DIP2C: variants seen among roughly 807,000 people sequenced by gnomAD.
The protein encoded by DIP2C is DIP2 acetate--CoA ligase C (putative).
DIP2C carries 33 observed loss-of-function variants against 192.4 expected under a neutral mutation model. The ratio of observed to expected loss-of-function variants is 0.17; its 90% CI spans 0.13 to 0.23. DIP2C has a LOEUF of 0.23. Among genes scored for constraint, DIP2C ranks in the 10% least tolerant of loss-of-function variants. The probability of loss-of-function intolerance (pLI) is 1.00; values close to 1 mark genes in which losing one functional copy is unlikely to be tolerated. For missense variants in DIP2C, 1,537 were observed against 2,110.1 expected, an observed-to-expected ratio of 0.73 and a Z score of 5.32; for synonymous variants, 979 against 864.1, an observed-to-expected ratio of 1.13 and a Z score of -2.33.
At chr10:418,409 T>C (rs1965950524) in intron 6 of DIP2C, among the ~76,000 whole-genome samples, 1 of 151,530 alleles carries the variant, frequency 6.6e-6, no homozygotes, top group Admixed American at 6.5e-5. Flanking sequence ...GGCTGCTCCA[T>C]GCAGCTTCAC....
chr10:414,906 A>ATTT (rs66514106), intron 7 of DIP2C, among the ~76,000 whole-genome samples: 1 of 83,170 alleles, frequency 1.2e-5, no homozygotes, highest in African/African-American at 4.4e-5. Flanking sequence ...ATATATATAT[A>ATTT]TTTTTTTTTT....
chr10:327,661 G>A (rs186462314), intron 30 of DIP2C, among the ~76,000 whole-genome samples: 2 of 152,184 alleles, frequency 1.3e-5, no homozygotes, highest in Non-Finnish European at 2.9e-5. Flanking sequence ...GGTCTCCCAA[G>A]TAGCTGGGAC....
intron 10 of DIP2C, among the ~76,000 whole-genome samples, chr10:397,683 A>G (rs1964105607): frequency 6.6e-6 from 1 of 152,224 alleles, no homozygotes; most frequent in African/African-American, 2.4e-5. Flanking sequence ...CGTGACCTGC[A>G]CTGCAGCCGC....
chr10:414,914 T>A (rs1156432379), intron 7 of DIP2C, among the ~76,000 whole-genome samples: 47 of 144,544 alleles, frequency 3.3e-4, no homozygotes, highest in South Asian at 1.6e-3. Context: ...ATATTTTTTT[T>A]TTTTTTTGGT....
At chr10:483,321 C>CCT (rs1050747966) in intron 2 of DIP2C, among the ~76,000 whole-genome samples, 30 of 152,378 alleles carry the variant, frequency 2.0e-4, no homozygotes, top group Non-Finnish European at 3.8e-4. Flanking sequence ...CCACGAAGAT[C>CCT]CTGCACAAAG....
intron 7 of DIP2C, 117 bp downstream of exon 7, chr10:415,652 C>A (rs899469198): frequency 7.1e-7 from 1 of 1,407,936 alleles, no homozygotes; most frequent in Non-Finnish European, 9.7e-7. Flanking sequence ...TCCCATCATG[C>A]GGCAAATGCC....
intron 32 of DIP2C, among the ~76,000 whole-genome samples, chr10:300,256 C>T (rs1050783704): frequency 2.0e-5 from 3 of 152,196 alleles, no homozygotes; most frequent in Admixed American, 6.5e-5. Context: ...TGAACATCGG[C>T]AGACAATGGA....
At position 615,632 on chromosome 10, in the gene DIP2C, CCACACA is replaced by C. The variant is rs10685439; in HGVS notation, c.85+73856_85+73861del. Among the ~76,000 whole-genome samples the C allele has an allele frequency of 8.7e-3, 1,326 of 151,646 alleles. 25 individuals are homozygous for C. Among genetic ancestry groups the C allele is most frequent in the African/African-American group, 0.031 (1,275 of 41,336 alleles). Reference sequence around the variant, plus strand: ...GTTCATATACACACACACACCCGCCCCACACACACACACAGGGTTTGCTTAGCCTCT... The same window carrying C: ...GTTCATATACACACACACACCCGCCCCACACACAGGGTTTGCTTAGCCTCT... On this transcript the variant is annotated intron_variant, in intron 1 of 36. Coordinates refer to ENST00000280886, the MANE Select transcript of DIP2C (RefSeq NM_014974.3).
intron 17 of DIP2C, among the ~76,000 whole-genome samples, chr10:374,897 A>G (rs1961387363): frequency 6.6e-6 from 1 of 152,214 alleles, no homozygotes; most frequent in Non-Finnish European, 1.5e-5. Context: ...CCGCCCATTC[A>G]TCAACTTCCA....
intron 36 of DIP2C, among the ~76,000 whole-genome samples, chr10:279,603 C>T (rs1954706067): frequency 6.6e-6 from 1 of 152,258 alleles, no homozygotes; most frequent in African/African-American, 2.4e-5. Context: ...CTGGGTGTCA[C>T]AGCCGCATTT....
intron 1 of DIP2C, among the ~76,000 whole-genome samples, chr10:512,843 G>A (rs1489339866): frequency 6.7e-6 from 1 of 149,972 alleles, no homozygotes; most frequent in Non-Finnish European, 1.5e-5. Context: ...CAGCCTGGGA[G>A]GTGGAAGTTG....
At chr10:352,159 A>C (rs1003471336) in intron 24 of DIP2C, among the ~76,000 whole-genome samples, 5 of 152,214 alleles carry the variant, frequency 3.3e-5, no homozygotes, top group Non-Finnish European at 7.3e-5. Flanking sequence ...CTGATTTCCT[A>C]TCAAACACCC....
chr10:518,568 G>C (rs1846506607), intron 1 of DIP2C, among the ~76,000 whole-genome samples: 1 of 152,146 alleles, frequency 6.6e-6, no homozygotes, highest in South Asian at 2.1e-4. Flanking sequence ...CAACTCTCTT[G>C]CCCTCCCACT....
chr10:548,911 CAAA>C lies in DIP2C; in HGVS notation c.86-62384_86-62382del, dbSNP rs61437915. 6.3e-3 allele frequency among the ~76,000 whole-genome samples: 167 copies of C among 26,452 alleles called. 2 individuals are homozygous for C. The highest frequency in any genetic ancestry group is 0.018 in the African/African-American group (131 of 7,420). The allele number at this position is 26,452 out of a possible 152,430, so 17.4% of individuals were successfully genotyped here. A position where few individuals can be genotyped will look rare whatever the true frequency, so the allele number is the denominator to read the frequency against. ...CATTGCAGGAAAAAATAGCAGCTCA[CAAA>C]AAAAAAAAAAAAAAAAAAAAAAAAG... is the stretch of plus-strand genomic sequence containing the variant. On this transcript the variant is annotated intron_variant, in intron 1 of 36. Transcript: ENST00000280886.
At chr10:583,777 T>C (rs1850808915) in intron 1 of DIP2C, among the ~76,000 whole-genome samples, 1 of 152,104 alleles carries the variant, frequency 6.6e-6, no homozygotes, top group Admixed American at 6.5e-5. Context: ...AAAGCCGAAA[T>C]CCACCCGATC....
chr10:670,278 A>G (rs558015638), intron 1 of DIP2C, among the ~76,000 whole-genome samples: 18 of 151,848 alleles, frequency 1.2e-4, no homozygotes, highest in East Asian at 7.8e-4. Flanking sequence ...GCATGCATAT[A>G]CACACGTACA....
intron 33 of DIP2C, among the ~76,000 whole-genome samples, chr10:287,618 C>T (rs918486961): frequency 6.9e-6 from 1 of 144,928 alleles, no homozygotes; most frequent in Non-Finnish European, 1.5e-5. Flanking sequence ...ACATGAGATG[C>T]TCTTAGAATT....
At chr10:590,188 G>A (rs1851317503) in intron 1 of DIP2C, among the ~76,000 whole-genome samples, 1 of 152,230 alleles carries the variant, frequency 6.6e-6, no homozygotes, top group Admixed American at 6.5e-5. Flanking sequence ...GAGCCTCTGC[G>A]TCCATGAACG....
intron 32 of DIP2C, among the ~76,000 whole-genome samples, chr10:295,284 G>C (rs567078365): frequency 6.6e-6 from 1 of 152,054 alleles, no homozygotes; most frequent in South Asian, 2.1e-4. Flanking sequence ...ATTATTGGCC[G>C]GGCGCGGTGG....
Sources: gnomAD v4.1 joint callset for allele counts (sites outside exome capture counted in the v4.1 genomes callset) on GRCh38, gnomAD v4.1.1 for gene constraint, MANE v1.5 for transcripts, NCBI Gene and HGNC (gene_info 2026-07-23, HGNC 2026-07-21) for gene names.